The following INVS variants were observed in gnomAD, a reference collection of about 807,000 sequenced individuals.
INVS encodes inversion of embryo turning homolog.
In INVS, 86 loss-of-function variants were observed where a neutral mutation model predicts 108.8. That is an observed-to-expected ratio of 0.79 (90% confidence interval 0.66 to 0.95). The LOEUF is 0.95. Among genes scored for constraint, INVS ranks in the 40% least tolerant of loss-of-function variants. INVS has a pLI of 0.00. For synonymous variants in INVS, 455 were observed against 473.5 expected, an observed-to-expected ratio of 0.96 and a Z score of 0.51; for missense variants, 1,169 against 1,297.4, an observed-to-expected ratio of 0.90 and a Z score of 1.52.
intron 12 of INVS, among the ~76,000 whole-genome samples, chr9:100,283,889 T>C (rs1833351337): frequency 6.6e-6 from 1 of 152,182 alleles, no homozygotes; most frequent in Admixed American, 6.5e-5. Flanking sequence ...CTTTTTTAAA[T>C]GAATAGAGCA....
chr9:100,269,818 G>C (rs1452533549), intron 11 of INVS, among the ~76,000 whole-genome samples: 1 of 152,138 alleles, frequency 6.6e-6, no homozygotes, highest in Non-Finnish European at 1.5e-5. Flanking sequence ...ATACTAGTTT[G>C]GGTCCTATGG....
chr9:100,238,834 A>G (rs1831774176), intron 5 of INVS, among the ~76,000 whole-genome samples: 1 of 152,242 alleles, frequency 6.6e-6, no homozygotes, highest in African/African-American at 2.4e-5. Flanking sequence ...TGCTTGCTAT[A>G]AAGATCCAGT....
At chr9:100,137,328 C>T (rs1828260087) in intron 3 of INVS, among the ~76,000 whole-genome samples, 1 of 152,172 alleles carries the variant, frequency 6.6e-6, no homozygotes, top group African/African-American at 2.4e-5. Flanking sequence ...TCTCACACCT[C>T]CCCAGACCCT....
At chr9:100,228,313 G>C (rs1337398379) in intron 4 of INVS, among the ~76,000 whole-genome samples, 2 of 152,106 alleles carry the variant, frequency 1.3e-5, no homozygotes, top group Non-Finnish European at 2.9e-5. Context: ...CTTTTAGAGA[G>C]ACTCTGTTAT....
intron 14 of INVS, among the ~76,000 whole-genome samples, chr9:100,293,528 C>T (rs752032049): frequency 2.6e-5 from 4 of 152,112 alleles, no homozygotes; most frequent in Non-Finnish European, 5.9e-5. Context: ...CTTTACTACC[C>T]AGGAACTAGT....
chr9:100,128,612 A>G (rs1827956282), intron 3 of INVS, among the ~76,000 whole-genome samples: 1 of 152,220 alleles, frequency 6.6e-6, no homozygotes, highest in Non-Finnish European at 1.5e-5. Flanking sequence ...GTTGGAGATA[A>G]TATGTCCCAG....
At chr9:100,161,099 GTGTAATCCCAGCACGCC>G (rs202206162) in intron 3 of INVS, among the ~76,000 whole-genome samples, 3,441 of 151,908 alleles carry the variant, frequency 0.023, 53 homozygotes, top group Non-Finnish European at 0.038. Flanking sequence ...GCTGGGCATG[GTGTAATCCCAGCACGCC>G]TGTAATCCCA....
At chr9:100,221,449 T>G (rs898941722) in intron 3 of INVS, among the ~76,000 whole-genome samples, 2 of 152,100 alleles carry the variant, frequency 1.3e-5, no homozygotes, top group Non-Finnish European at 2.9e-5. Flanking sequence ...ATTACAGGTG[T>G]GAGCCACTGT....
intron 2 of INVS, among the ~76,000 whole-genome samples, chr9:100,123,131 A>C (rs575152114): frequency 1.1e-4 from 17 of 152,216 alleles, no homozygotes; most frequent in Non-Finnish European, 2.1e-4. Flanking sequence ...TATACAATTC[A>C]AAATTTAAAG....
At chr9:100,254,022 A>T (rs1588124490) in intron 10 of INVS, among the ~76,000 whole-genome samples, 1 of 152,316 alleles carries the variant, frequency 6.6e-6, no homozygotes, top group African/African-American at 2.4e-5. Context: ...ACTAGTTTAC[A>T]GTCCCACCAA....
intron 4 of INVS, among the ~76,000 whole-genome samples, chr9:100,228,334 T>C (rs916917992): frequency 6.6e-6 from 1 of 152,200 alleles, no homozygotes; most frequent in African/African-American, 2.4e-5. Flanking sequence ...TTAGGTTGAC[T>C]AAAGCAAGTG....
intron 3 of INVS, among the ~76,000 whole-genome samples, chr9:100,220,633 G>A (rs1424601037): frequency 6.6e-6 from 1 of 152,042 alleles, no homozygotes; most frequent in Non-Finnish European, 1.5e-5. Flanking sequence ...AATTATAAAA[G>A]CAGACCCTAA....
chr9:100,165,750 A>G (rs902505865), intron 3 of INVS, among the ~76,000 whole-genome samples: 6 of 152,210 alleles, frequency 3.9e-5, no homozygotes, highest in African/African-American at 1.4e-4. Context: ...AGGCCTGTCA[A>G]GTAGACTTCT....
chr9:100,253,656 C>T (rs572600707), intron 10 of INVS, among the ~76,000 whole-genome samples: 1 of 152,210 alleles, frequency 6.6e-6, no homozygotes, highest in South Asian at 2.1e-4. Context: ...TGAGTGAGAA[C>T]ATGCGGTATT....
chr9:100,146,914 A>C (rs1168245057), intron 3 of INVS, among the ~76,000 whole-genome samples: 2 of 152,012 alleles, frequency 1.3e-5, no homozygotes, highest in Non-Finnish European at 2.9e-5. Context: ...TACTTGTTTG[A>C]GTACCTGTTT....
At chr9:100,157,267 C>CTTTTTTTTCT (rs1829021884) in intron 3 of INVS, among the ~76,000 whole-genome samples, 1 of 130,098 alleles carries the variant, frequency 7.7e-6, no homozygotes, top group African/African-American at 3.3e-5. Flanking sequence ...TCTTTTTTTT[C>CTTTTTTTTCT]TTTTTTTTTT....
intron 14 of INVS, among the ~76,000 whole-genome samples, chr9:100,296,654 C>G (rs1833800852): frequency 6.6e-6 from 1 of 152,180 alleles, no homozygotes; most frequent in Non-Finnish European, 1.5e-5. Context: ...CCACACGTAC[C>G]TCTTTACACA....
chr9:100,150,999 G>A (rs1370712419), intron 3 of INVS, among the ~76,000 whole-genome samples: 1 of 152,118 alleles, frequency 6.6e-6, no homozygotes, highest in African/African-American at 2.4e-5. Flanking sequence ...AGTGAGACAG[G>A]TTGTAATTTT....
chr9:100,138,700 CTTTTTTTTTT>C (rs36096327), intron 3 of INVS, among the ~76,000 whole-genome samples: 1 of 124,938 alleles, frequency 8.0e-6, no homozygotes, highest in Non-Finnish European at 1.6e-5. Flanking sequence ...TGATGGTTTC[CTTTTTTTTTT>C]TTTTTTTTCC....
Sources: allele counts gnomAD v4.1 joint callset (sites outside exome capture counted in the v4.1 genomes callset), GRCh38; gene constraint gnomAD v4.1.1; transcripts MANE v1.5; gene names NCBI Gene and HGNC (gene_info 2026-07-23, HGNC 2026-07-21).